The following RALYL variants were observed in gnomAD, a reference collection of about 807,000 sequenced individuals.
RALYL encodes RNA-binding Raly-like protein.
Under a neutral mutation model 35.1 loss-of-function variants are expected in RALYL, and 29 were observed. That is an observed-to-expected ratio of 0.83 (90% CI 0.61 to 1.13). The LOEUF (loss-of-function observed/expected upper bound fraction) is 1.13, where lower values mean the gene tolerates loss of function less well. Ranked by LOEUF, RALYL falls within the 50% of genes most tolerant of loss-of-function variation. The pLI is 0.00. For missense variants in RALYL, 359 were observed against 360.4 expected (o/e 1.00, Z 0.03); for synonymous variants, 120 against 127.6 (o/e 0.94, Z 0.40).
chr8:84,216,055 T>C (rs1820734387), intron 1 of RALYL, among the ~76,000 whole-genome samples: 1 of 152,146 alleles, frequency 6.6e-6, no homozygotes, highest in Non-Finnish European at 1.5e-5. Context: ...ATTTTGCACT[T>C]ATCATATATT....
At chr8:84,577,073 C>T (rs1341000126) in intron 2 of RALYL, among the ~76,000 whole-genome samples, 1 of 152,206 alleles carries the variant, frequency 6.6e-6, no homozygotes, top group Non-Finnish European at 1.5e-5. Flanking sequence ...CCAACCACTT[C>T]ACACAGCTTT....
chr8:84,475,441 C>G (rs2053285429), intron 1 of RALYL, among the ~76,000 whole-genome samples: 1 of 152,074 alleles, frequency 6.6e-6, no homozygotes, highest in Non-Finnish European at 1.5e-5. Flanking sequence ...GCTGTTTAAA[C>G]AACTTATTTT....
chr8:84,918,595 CATA>C (rs1242071618), intron 8 of RALYL, among the ~76,000 whole-genome samples: 6 of 152,068 alleles, frequency 3.9e-5, no homozygotes, highest in Non-Finnish European at 7.4e-5. Flanking sequence ...CAATCAGCTC[CATA>C]AGTGACTATG....
chr8:84,647,517 A>T (rs930577888), intron 2 of RALYL, among the ~76,000 whole-genome samples: 2 of 152,098 alleles, frequency 1.3e-5, no homozygotes, highest in African/African-American at 4.8e-5. Flanking sequence ...ATAATGTTGC[A>T]ATTCATAAAG....
chr8:84,452,784 T>C (rs558734954), intron 1 of RALYL, among the ~76,000 whole-genome samples: 1 of 151,984 alleles, frequency 6.6e-6, no homozygotes, highest in African/African-American at 2.4e-5. Flanking sequence ...TTTCTAAATA[T>C]AAAACAGGAT....
chr8:84,620,913 A>G (rs1821216817), intron 2 of RALYL, among the ~76,000 whole-genome samples: 1 of 152,126 alleles, frequency 6.6e-6, no homozygotes, highest in Non-Finnish European at 1.5e-5. Context: ...CTCGGGGGTC[A>G]GGGGACAGGG....
At chr8:84,381,365 G>A (rs187709534) in intron 1 of RALYL, among the ~76,000 whole-genome samples, 4 of 151,976 alleles carry the variant, frequency 2.6e-5, no homozygotes, top group Admixed American at 1.3e-4. Flanking sequence ...TGGATAACTT[G>A]TTCCAGCATT....
chr8:84,781,264 AT>A (rs2133709916), intron 3 of RALYL, among the ~76,000 whole-genome samples: 2 of 152,316 alleles, frequency 1.3e-5, no homozygotes, highest in East Asian at 1.9e-4. Context: ...TAAAAATAAA[AT>A]TTTTTAAAAG....
intron 2 of RALYL, among the ~76,000 whole-genome samples, chr8:84,675,072 T>C (rs548465177): frequency 1.3e-5 from 2 of 152,256 alleles, no homozygotes; most frequent in South Asian, 2.1e-4. Flanking sequence ...ACTTGTTAAA[T>C]TGAAGGTTTT....
chr8:84,868,948 T>C (rs961766652), intron 6 of RALYL, among the ~76,000 whole-genome samples: 6 of 152,076 alleles, frequency 3.9e-5, no homozygotes, highest in Non-Finnish European at 7.4e-5. Flanking sequence ...TTATGTATTA[T>C]GTTACAAGGG....
intron 2 of RALYL, among the ~76,000 whole-genome samples, chr8:84,610,690 C>T (rs1469777260): frequency 2.0e-5 from 3 of 152,072 alleles, no homozygotes; most frequent in African/African-American, 7.2e-5. Context: ...CCTCCTCCCG[C>T]ATTTATAAGT....
At chr8:84,517,056 C>A (rs1373999106) in intron 1 of RALYL, among the ~76,000 whole-genome samples, 1 of 152,072 alleles carries the variant, frequency 6.6e-6, no homozygotes, top group African/African-American at 2.4e-5. Flanking sequence ...GTAATGGTAT[C>A]AAATTTGTAG....
At chr8:84,434,350 G>A (rs2047470584) in intron 1 of RALYL, among the ~76,000 whole-genome samples, 1 of 152,106 alleles carries the variant, frequency 6.6e-6, no homozygotes, top group South Asian at 2.1e-4. Flanking sequence ...ATTTGAGGGA[G>A]ACGCAATTCA....
intron 1 of RALYL, among the ~76,000 whole-genome samples, chr8:84,214,929 G>A (rs1054367566): frequency 4.7e-5 from 7 of 150,106 alleles, no homozygotes; most frequent in African/African-American, 2.5e-5. Context: ...TTTTTGAGAC[G>A]GAGTCTCACT....
At chr8:84,660,897 T>A (rs1830776027) in intron 2 of RALYL, among the ~76,000 whole-genome samples, 1 of 152,062 alleles carries the variant, frequency 6.6e-6, no homozygotes, top group South Asian at 2.1e-4. Context: ...ATATAAAATG[T>A]CTTACATTAT....
intron 1 of RALYL, among the ~76,000 whole-genome samples, chr8:84,365,367 T>A (rs928752062): frequency 3.9e-5 from 6 of 152,188 alleles, no homozygotes; most frequent in African/African-American, 1.2e-4. Flanking sequence ...TAATGACCTA[T>A]AAGTGAGTCC....
chr8:84,212,526 TG>T (rs1458946439), intron 1 of RALYL, among the ~76,000 whole-genome samples: 1 of 152,148 alleles, frequency 6.6e-6, no homozygotes, highest in African/African-American at 2.4e-5. Flanking sequence ...GAACACACAT[TG>T]ATCTCTGAAG....
intron 1 of RALYL, among the ~76,000 whole-genome samples, chr8:84,370,588 C>T (rs959070641): frequency 2.0e-5 from 3 of 151,770 alleles, no homozygotes; most frequent in African/African-American, 7.3e-5. Context: ...GAAACAGGAA[C>T]AAAGAAAAGG....
chr8:84,260,026 T>C (rs1035545889), intron 1 of RALYL, among the ~76,000 whole-genome samples: 2 of 152,156 alleles, frequency 1.3e-5, no homozygotes, highest in African/African-American at 4.8e-5. Flanking sequence ...GTGTATTTTA[T>C]TTTATTATGG....
Sources: allele counts gnomAD v4.1 joint callset (sites outside exome capture counted in the v4.1 genomes callset), GRCh38; gene constraint gnomAD v4.1.1; transcripts MANE v1.5; gene names NCBI Gene and HGNC (gene_info 2026-07-23, HGNC 2026-07-21).